Variants in UNC13C observed in about 807,000 individuals in gnomAD.
The protein encoded by UNC13C is protein unc-13 homolog C.
A neutral mutation model predicts 245.4 loss-of-function variants in UNC13C; 174 were observed. The observed-to-expected ratio is 0.71, with a 90% CI of 0.63 to 0.80. The LOEUF (loss-of-function observed/expected upper bound fraction) is 0.80. UNC13C is among the 30% of genes least tolerant of loss of function. The pLI, the probability that UNC13C is intolerant of heterozygous loss-of-function variation, is 0.00. For missense variants in UNC13C, 2,829 were observed against 2,602.9 expected, an observed-to-expected ratio of 1.09 and a Z score of -1.89; for synonymous variants, 992 against 895.1, an observed-to-expected ratio of 1.11 and a Z score of -1.93.
the UNC13C span, among the ~76,000 whole-genome samples, chr15:53,879,275 C>T: frequency 6.6e-6 from 1 of 152,104 alleles, no homozygotes; most frequent in South Asian, 2.1e-4. Flanking sequence ...GATACTCCCA[C>T]CTGAGCCTCC....
intron 4 of UNC13C, among the ~76,000 whole-genome samples, chr15:54,170,918 G>A (rs2033375313): frequency 6.6e-6 from 1 of 152,056 alleles, no homozygotes; most frequent in African/African-American, 2.4e-5. Context: ...AGACTCAGAT[G>A]GCATCCCTAA....
At chr15:53,868,221 A>C in the UNC13C span, among the ~76,000 whole-genome samples, 1 of 152,116 alleles carries the variant, frequency 6.6e-6, no homozygotes, top group South Asian at 2.1e-4. Context: ...ACCACCCTGA[A>C]TTTGCAGGCA....
At position 54,448,957 on chromosome 15, in the gene UNC13C, C is replaced by T. The variant is rs567233417; in HGVS notation, c.4933+33890C>T. 2.0e-4 allele frequency among the ~76,000 whole-genome samples: 30 copies of T among 152,250 alleles called. No homozygotes were observed. The East Asian group carries it at 3.5e-3, about 18-fold the overall frequency. ...TTAGTGCTTCCTTCAGGAGCTCTTG[C>T]AGGGCAGGCCTGGTGATGACAAAAT... is the stretch of plus-strand genomic sequence containing the variant. On this transcript the variant is annotated intron_variant, in intron 19 of 32. Coordinates refer to ENST00000260323, the MANE Select transcript of UNC13C (RefSeq NM_001080534.3).
chr15:54,197,976 A>AG (rs1156237525), intron 4 of UNC13C, among the ~76,000 whole-genome samples: 1 of 151,960 alleles, frequency 6.6e-6, no homozygotes, highest in Non-Finnish European at 1.5e-5. Context: ...GTGCTGTTGG[A>AG]GGGGTATGAT....
chr15:54,391,982 A>G (rs532338053), intron 17 of UNC13C, among the ~76,000 whole-genome samples: 3 of 152,088 alleles, frequency 2.0e-5, no homozygotes, highest in African/African-American at 4.8e-5. Context: ...GGATATGGCA[A>G]TAGTTTGGGC....
intron 19 of UNC13C, among the ~76,000 whole-genome samples, chr15:54,447,220 G>A (rs192336107): frequency 1.4e-4 from 22 of 152,208 alleles, no homozygotes; most frequent in African/African-American, 4.6e-4. Flanking sequence ...TATTTGCATC[G>A]ATGTTCATCA....
chr15:54,377,467 C>G (rs1371528350), intron 17 of UNC13C, among the ~76,000 whole-genome samples: 1 of 152,182 alleles, frequency 6.6e-6, no homozygotes, highest in East Asian at 1.9e-4. Context: ...ATGATTGGAG[C>G]TTTTTAAGCT....
At chr15:54,448,928 A>G (rs1890994986) in intron 19 of UNC13C, among the ~76,000 whole-genome samples, 1 of 151,952 alleles carries the variant, frequency 6.6e-6, no homozygotes, top group Non-Finnish European at 1.5e-5. Flanking sequence ...GTTCCTTTCC[A>G]TGTTTAGTGC....
intron 32 of UNC13C, among the ~76,000 whole-genome samples, chr15:54,625,087 T>G (rs1901049272): frequency 6.6e-6 from 1 of 152,136 alleles, no homozygotes; most frequent in Non-Finnish European, 1.5e-5. Context: ...ACATCAAGTT[T>G]GAAATGTATA....
chr15:53,942,592 T>C, the UNC13C span, among the ~76,000 whole-genome samples: 2 of 152,136 alleles, frequency 1.3e-5, no homozygotes, highest in African/African-American at 4.8e-5. Context: ...ATTAGTTCAT[T>C]ACCAAGGCAT....
chr15:54,274,667 C>T (rs373295871), intron 10 of UNC13C, among the ~76,000 whole-genome samples: 66 of 91,566 alleles, frequency 7.2e-4, no homozygotes, highest in South Asian at 2.5e-3. Context: ...ATAAAGTAGA[C>T]TTTTTTTTTT....
chr15:54,386,780 T>C (rs2039847052), intron 17 of UNC13C, among the ~76,000 whole-genome samples: 1 of 152,198 alleles, frequency 6.6e-6, no homozygotes, highest in South Asian at 2.1e-4. Flanking sequence ...ATGCCTCTGT[T>C]GCTGCTTTTG....
intron 17 of UNC13C, among the ~76,000 whole-genome samples, chr15:54,346,041 C>G (rs1387102164): frequency 6.6e-6 from 1 of 152,148 alleles, no homozygotes; most frequent in Non-Finnish European, 1.5e-5. Flanking sequence ...TTTCGGTTCT[C>G]TATTCTCATA....
chr15:54,213,658 G>T (rs1176864520), intron 4 of UNC13C, among the ~76,000 whole-genome samples: 2 of 151,990 alleles, frequency 1.3e-5, no homozygotes, highest in African/African-American at 2.4e-5. Context: ...CCTTAAAGAC[G>T]CAAGTTGTTG....
chr15:54,024,875 A>G (rs535951258), intron 2 of UNC13C, among the ~76,000 whole-genome samples: 4 of 152,278 alleles, frequency 2.6e-5, no homozygotes, highest in East Asian at 1.9e-4. Context: ...AGATGGCACC[A>G]CTGCACTTCA....
chr15:53,895,628 A>G, the UNC13C span, among the ~76,000 whole-genome samples: 1 of 152,178 alleles, frequency 6.6e-6, no homozygotes, highest in Non-Finnish European at 1.5e-5. Context: ...TCTATTCTCC[A>G]GCTGTCTGTG....
At chr15:53,963,372 G>A in the UNC13C span, among the ~76,000 whole-genome samples, 1 of 152,146 alleles carries the variant, frequency 6.6e-6, no homozygotes, top group Admixed American at 6.5e-5. Context: ...ATTAAGCTTT[G>A]AAATAAATCA....
At chr15:54,607,205 T>C (rs1359046262) in intron 30 of UNC13C, among the ~76,000 whole-genome samples, 1 of 152,192 alleles carries the variant, frequency 6.6e-6, no homozygotes, top group African/African-American at 2.4e-5. Context: ...TGATACCAAA[T>C]AGTTGAAGAG....
At chr15:53,891,401 C>T in the UNC13C span, among the ~76,000 whole-genome samples, 3 of 152,118 alleles carry the variant, frequency 2.0e-5, no homozygotes, top group South Asian at 6.2e-4. Context: ...GAGCTGAGTT[C>T]AGGTCCTGGA....
Sources: gnomAD v4.1 joint callset for allele counts (sites outside exome capture counted in the v4.1 genomes callset) on GRCh38, gnomAD v4.1.1 for gene constraint, MANE v1.5 for transcripts, NCBI Gene and HGNC (gene_info 2026-07-23, HGNC 2026-07-21) for gene names.